The following ANXA11 variants were observed in gnomAD, a reference collection of about 807,000 sequenced individuals.
The protein encoded by ANXA11 is annexin A11.
In ANXA11, 57 loss-of-function variants were observed where a neutral mutation model predicts 64.7. The ratio of observed to expected loss-of-function variants is 0.88; its 90% CI spans 0.71 to 1.10. ANXA11 has a LOEUF of 1.10. ANXA11 is among the 50% of genes least tolerant of loss of function. The probability of loss-of-function intolerance (pLI) is 0.00; values close to 1 mark genes in which losing one functional copy is unlikely to be tolerated. For missense variants in ANXA11, 675 were observed against 670.7 expected, an observed-to-expected ratio of 1.01 and a Z score of -0.07; for synonymous variants, 260 against 265.2, an observed-to-expected ratio of 0.98 and a Z score of 0.19.
Position 80,167,208 on chromosome 10 carries a change from C to A in ANXA11, c.649+18G>T, listed in dbSNP as rs565762976. 2 of 1,612,086 alleles carry A rather than the reference C, an allele frequency of 1.2e-6. No homozygotes were observed. The highest frequency in any genetic ancestry group is 4.5e-5 in the East Asian group (2 of 44,844). On this transcript the variant is annotated intron_variant, in intron 6 of 15. Coordinates refer to ENST00000422982, the MANE Select transcript of ANXA11 (RefSeq NM_145868.2). ...TAGGGGGCAGGGAGTAGGATTTGAG[C>A]CACCCAGGGTCTCTTACCGAAGCCT... is the stretch of plus-strand genomic sequence containing the variant.
chr10:80,172,408 G>A (rs1432122753), intron 3 of ANXA11, among the ~76,000 whole-genome samples: 1 of 152,178 alleles, frequency 6.6e-6, no homozygotes, highest in Non-Finnish European at 1.5e-5. Context: ...ATGCTTTGGA[G>A]GACACCGTGT....
chr10:80,199,026 C>G (rs1195155907), intron 1 of ANXA11, among the ~76,000 whole-genome samples: 2 of 152,108 alleles, frequency 1.3e-5, no homozygotes, highest in Admixed American at 6.5e-5. Context: ...AACCTCCATC[C>G]ACCCTCAACC....
At chr10:80,162,891 G>C (rs1371310264) in intron 11 of ANXA11, among the ~76,000 whole-genome samples, 2 of 152,088 alleles carry the variant, frequency 1.3e-5, no homozygotes, top group Non-Finnish European at 2.9e-5. Flanking sequence ...ACTTTGCTTG[G>C]ACTTTTCCCC....
Position 80,192,711 on chromosome 10 carries a change from A to G in ANXA11, c.-58+12632T>C, listed in dbSNP as rs116544503. Among the ~76,000 whole-genome samples the G allele has an allele frequency of 1.8e-3, 281 of 152,358 alleles. 2 individuals carry two copies. Among genetic ancestry groups the G allele is most frequent in the African/African-American group, 6.3e-3 (262 of 41,582 alleles). On this transcript the variant is annotated intron_variant, in intron 1 of 15. Transcript: ENST00000422982. ...GACTTCAACAGCCACACTAGAAACT[A>G]GAAGATAACAGAATAATGTGTTCAG...
chr10:80,170,006 T>C (rs1170240029), intron 4 of ANXA11, among the ~76,000 whole-genome samples: 1 of 152,112 alleles, frequency 6.6e-6, no homozygotes, highest in Non-Finnish European at 1.5e-5. Context: ...ACATCCTCTT[T>C]TCAGCCAGAC....
intron 13 of ANXA11, among the ~76,000 whole-genome samples, chr10:80,158,684 C>T (rs962281137): frequency 6.6e-6 from 1 of 152,196 alleles, no homozygotes; most frequent in Non-Finnish European, 1.5e-5. Context: ...GCCAGCTTTC[C>T]TCAGCATGGG....
In ANXA11 at chr10:80,159,192, A is replaced by T; in HGVS notation, c.1184T>A (p.Phe395Tyr). 6.2e-7 allele frequency: 1 copy of T among 1,613,632 alleles called. No individual in the cohort carries two copies. Among genetic ancestry groups the T allele is most frequent in the Non-Finnish European group, 8.5e-7 (1 of 1,179,596 alleles). The change falls in exon 13 of 16, where the codon TTC becomes TAC. Residue 395 changes from phenylalanine to tyrosine, a missense_variant. By Grantham distance (22) the Phe-to-Tyr change is conservative. Coordinates refer to ENST00000422982, the MANE Select transcript of ANXA11 (RefSeq NM_145868.2). Reference sequence around the variant, plus strand: ...GCCTGTCATTCTCTGGTACTCATTGAAAACTATGGGGATGACAGAGGCTTA... The same window carrying T: ...GCCTGTCATTCTCTGGTACTCATTGTAAACTATGGGGATGACAGAGGCTTA... ...SRSRAHLVAV[F>Y]NEYQRMTGRD...
chr10:80,166,539 A>G (rs1845749052), intron 7 of ANXA11: 27 of 444,672 alleles, frequency 6.1e-5, no homozygotes, highest in Middle Eastern at 6.2e-4. Context: ...GTACTTGGGC[A>G]GCACTCACAG....
intron 1 of ANXA11, among the ~76,000 whole-genome samples, chr10:80,185,563 T>A (rs1846508477): frequency 6.6e-6 from 1 of 152,230 alleles, no homozygotes. Flanking sequence ...CTTAACTCTA[T>A]CCTCAAATTT....
chr10:80,164,785 A>C lies in ANXA11; in HGVS notation c.859-642T>G, dbSNP rs1456216349. On this transcript the variant is annotated intron_variant, in intron 8 of 15. Transcript: ENST00000422982. ...TCCAGTTCCTTGTCTGTAAGATGGGAGTGATACTAGGACCTACCTCACAGG... is the reference window on the plus strand; with the variant it reads ...TCCAGTTCCTTGTCTGTAAGATGGGCGTGATACTAGGACCTACCTCACAGG... Among the ~76,000 whole-genome samples the C allele has an allele frequency of 5.3e-5, 8 of 152,276 alleles. 1 individual carries two copies. In the Middle Eastern group the frequency reaches 0.017, roughly 324 times the overall value.
At chr10:80,175,547 A>G (rs1432403269) in intron 2 of ANXA11, among the ~76,000 whole-genome samples, 1 of 152,130 alleles carries the variant, frequency 6.6e-6, no homozygotes, top group African/African-American at 2.4e-5. Flanking sequence ...AGCCCCAAAA[A>G]CCAACGACAT....
At chr10:80,161,791 T>C in intron 12 of ANXA11, 144 bp downstream of exon 12, 1 of 659,938 alleles carries the variant, frequency 1.5e-6, no homozygotes, top group Non-Finnish European at 2.6e-6. Context: ...ACAGTGTCTT[T>C]TAAATTCCCA....
intron 1 of ANXA11, among the ~76,000 whole-genome samples, chr10:80,204,628 G>C (rs1005485915): frequency 2.0e-5 from 3 of 152,206 alleles, no homozygotes; most frequent in Non-Finnish European, 4.4e-5. Context: ...AAGTCTCTAG[G>C]TAACAAACTT....
rs1564610065 is a variant in ANXA11, at chr10:80,169,068, A to C, written c.462T>G (p.Gly154=). Reference sequence around the variant, plus strand: ...GCCCAGGGAGTGGCACTGGAGGCTGACCAGGGTAGGTCACTGGTGGCTGCC... The same window carrying C: ...GCCCAGGGAGTGGCACTGGAGGCTGCCCAGGGTAGGTCACTGGTGGCTGCC... ...YPGQPPVTYP[G]QPPVPLPGQQ... The change falls in exon 5 of 16, where the codon GGT becomes GGG. Residue 154 remains glycine, a synonymous_variant. Coordinates refer to ENST00000422982, the MANE Select transcript of ANXA11 (RefSeq NM_145868.2). The C allele has an allele frequency of 6.5e-7, 1 of 1,538,660 alleles. No homozygotes were observed. Among genetic ancestry groups the C allele is most frequent in the South Asian group, 1.3e-5 (1 of 76,876 alleles).
At chr10:80,173,271 C>T (rs1273335200) in intron 2 of ANXA11, among the ~76,000 whole-genome samples, 1 of 152,248 alleles carries the variant, frequency 6.6e-6, no homozygotes, top group Non-Finnish European at 1.5e-5. Flanking sequence ...CCAGGTCTGT[C>T]TATTTATCTT....
At chr10:80,196,696 C>G in intron 1 of ANXA11, among the ~76,000 whole-genome samples, 1 of 152,214 alleles carries the variant, frequency 6.6e-6, no homozygotes, top group South Asian at 2.1e-4. Context: ...CAGCCAGCCT[C>G]AGGGCAGCAC....
Position 80,188,480 on chromosome 10 carries a change from CATATAT to C in ANXA11, c.-57-12331_-57-12326del, listed in dbSNP as rs71034291. Among the ~76,000 whole-genome samples, 36 of 100,594 alleles carry C rather than the reference CATATAT, an allele frequency of 3.6e-4. 1 individual carries two copies. Among genetic ancestry groups the C allele is most frequent in the South Asian group, 9.1e-4 (3 of 3,314 alleles). The allele number at this position is 100,594 out of a possible 152,430, so 66.0% of individuals were successfully genotyped here. A position where few individuals can be genotyped will look rare whatever the true frequency, so the allele number is the denominator to read the frequency against. On this transcript the variant is annotated intron_variant, in intron 1 of 15. Transcript: ENST00000422982. ...CAGCTGTGAGAATGTAGTATTCTCA[CATATAT>C]ATATATATATATATATATATATATA...
At chr10:80,163,230 CA>C in intron 11 of ANXA11, 118 bp downstream of exon 11, 1 of 1,129,926 alleles carries the variant, frequency 8.9e-7, no homozygotes, top group Non-Finnish European at 1.3e-6. Context: ...AAACTCACAG[CA>C]TCTGCAACCC....
chr10:80,172,806 C>T lies in ANXA11; in HGVS notation c.55+1G>A, dbSNP rs201390006. The T allele has an allele frequency of 1.9e-6, 3 of 1,613,994 alleles. No homozygotes were observed. The highest frequency in any genetic ancestry group is 4.5e-5 in the East Asian group (2 of 44,876). ...CTCCTCCCCACCCCAGACCCTCTTACCTGGTGCAGCTGGTGGGTAGCCACC... is the reference window on the plus strand; with the variant it reads ...CTCCTCCCCACCCCAGACCCTCTTATCTGGTGCAGCTGGTGGGTAGCCACC... On this transcript the variant is annotated splice_donor_variant, in intron 3 of 15. Coordinates refer to ENST00000422982, the MANE Select transcript of ANXA11 (RefSeq NM_145868.2). LOFTEE classifies it high-confidence loss of function.
Sources: gnomAD v4.1 joint callset for allele counts (sites outside exome capture counted in the v4.1 genomes callset) on GRCh38, gnomAD v4.1.1 for gene constraint, MANE v1.5 for transcripts, NCBI Gene and HGNC (gene_info 2026-07-23, HGNC 2026-07-21) for gene names.